Variants in EPHA10 observed in about 807,000 individuals in gnomAD.
EPHA10 encodes EPH receptor A10.
EPHA10 carries 120 observed loss-of-function variants against 109.7 expected under a neutral mutation model. The observed-to-expected ratio is 1.09, with a 90% CI of 0.94 to 1.27. EPHA10 has a LOEUF of 1.27. EPHA10 is among the 50% of genes most tolerant of loss of function. The probability of loss-of-function intolerance (pLI) is 0.00; values close to 1 mark genes in which losing one functional copy is unlikely to be tolerated. For synonymous variants in EPHA10, 640 were observed against 618.9 expected (o/e 1.03, Z -0.51); for missense variants, 1,396 against 1,411.1 (o/e 0.99, Z 0.17).
intron 3 of EPHA10, among the ~76,000 whole-genome samples, chr1:37,755,915 C>T (rs1466433143): frequency 9.2e-5 from 14 of 152,146 alleles, no homozygotes; most frequent in Non-Finnish European, 1.6e-4. Context: ...TCCAAGAAGA[C>T]GCAGTACAAC....
In EPHA10 at chr1:37,731,586, G is replaced by C; in HGVS notation, c.1492-4C>G. ...AGTAAGTCTGCTCACTCTGACCCTG[G>C]AGAGAGATCAAGAAGTGAAGCCCAC... is the stretch of plus-strand genomic sequence containing the variant. On this transcript the variant is annotated splice_polypyrimidine_tract_variant and splice_region_variant and intron_variant, in intron 6 of 16. Transcript: ENST00000373048. The C allele has an allele frequency of 6.2e-7, 1 of 1,601,766 alleles. No homozygotes were observed. Among genetic ancestry groups the C allele is most frequent in the Non-Finnish European group, 8.5e-7 (1 of 1,173,554 alleles).
chr1:37,758,848 A>T (rs1401782192), intron 3 of EPHA10, among the ~76,000 whole-genome samples: 2 of 152,102 alleles, frequency 1.3e-5, no homozygotes, highest in African/African-American at 4.8e-5. Flanking sequence ...GACATCATAA[A>T]TATGTGTCTA....
chr1:37,754,135 A>G lies in EPHA10; in HGVS notation c.1006+80T>C, dbSNP rs1646371250. 4.0e-6 allele frequency: 5 copies of G among 1,239,360 alleles called. No homozygotes were observed. The highest frequency in any genetic ancestry group is 5.1e-6 in the Non-Finnish European group (5 of 983,060). The allele number at this position is 1,239,360 out of a possible 1,614,324, so 76.8% of individuals were successfully genotyped here. ...GCCCCAGTGCGGAGACCCTGCCCTC[A>G]CCACCACCTGGATCAGGCCTTCCTT... On this transcript the variant is annotated intron_variant, in intron 4 of 16. Coordinates refer to ENST00000373048, the MANE Select transcript of EPHA10 (RefSeq NM_001099439.2). This position sits in a 1 kb window ranked among gnomAD's most constrained non-coding sequence, Gnocchi z 4.5.
At position 37,720,029 on chromosome 1, in the gene EPHA10, A is replaced by T. The variant is rs750974576; in HGVS notation, c.2442T>A (p.Ala814=). The change falls in exon 14 of 17, where the codon GCT becomes GCA. Residue 814 remains alanine (A), a synonymous_variant. Coordinates refer to ENST00000373048, the MANE Select transcript of EPHA10 (RefSeq NM_001099439.2). ...AGTGGCCAAACTGAAGTGTCTCGGG[A>T]GCGGCCCATAGCGCTGGGCTCCGGC... ...MSGRSPALWA[A]PETLQFGHFS... 1 of 1,613,588 alleles carries T rather than the reference A, an allele frequency of 6.2e-7. No homozygotes were observed. The highest frequency in any genetic ancestry group is 8.5e-7 in the Non-Finnish European group (1 of 1,179,994).
chr1:37,732,231 G>A (rs1462343412), intron 6 of EPHA10, among the ~76,000 whole-genome samples: 1 of 152,148 alleles, frequency 6.6e-6, no homozygotes, highest in Non-Finnish European at 1.5e-5. Context: ...GCCCTGTGGA[G>A]TCAGCATTTC....
chr1:37,743,318 C>T (rs566679353), intron 5 of EPHA10, among the ~76,000 whole-genome samples: 124 of 152,122 alleles, frequency 8.2e-4, no homozygotes, highest in Middle Eastern at 3.4e-3. Context: ...AAAACACAGC[C>T]TCCACCAACT....
chr1:37,714,755 A>T (rs1239590898), downstream of EPHA10: 1 of 152,314 alleles, frequency 6.6e-6, no homozygotes, highest in Non-Finnish European at 1.5e-5. Context: ...GCGAAGAGAG[A>T]GTGGGAAGAT....
At chr1:37,715,847 G>T, downstream of EPHA10, 1 of 536,236 alleles carries the variant, frequency 1.9e-6, no homozygotes, top group South Asian at 1.5e-5. Context: ...GAGCAGTGTT[G>T]GACTCACCTC....
Position 37,731,413 on chromosome 1 carries a change from TC to T in EPHA10, c.1660del (p.Glu554ArgfsTer17), listed in dbSNP as rs2148329829. On this transcript the variant is annotated frameshift_variant, in exon 7 of 17. Transcript: ENST00000373048. LOFTEE classifies it high-confidence loss of function. ...NPSIEVQTLGEAASGSRDQSP... is the reference protein window; with the variant it reads ...NPSIEVQTLGXAASGSRDQSP... ...GTCCACTCACACACACTACTTACCC[TC>T]CCCCAGGGTCTGTACTTCAATGCTG... 6.2e-7 allele frequency: 1 copy of T among 1,600,446 alleles called. No individual in the cohort carries two copies. Among genetic ancestry groups the T allele is most frequent in the Non-Finnish European group, 8.5e-7 (1 of 1,172,362 alleles).
At chr1:37,752,854 T>TG in intron 5 of EPHA10, 22 bp downstream of exon 5, 5 of 1,237,134 alleles carry the variant, frequency 4.0e-6, no homozygotes, top group Non-Finnish European at 4.0e-6. Flanking sequence ...GGCCTCGGGG[T>TG]GGGGGGCGCG....
At chr1:37,752,596 T>C (rs1646344458) in intron 5 of EPHA10, among the ~76,000 whole-genome samples, 1 of 151,950 alleles carries the variant, frequency 6.6e-6, no homozygotes, top group Non-Finnish European at 1.5e-5. Flanking sequence ...AGCACACAGG[T>C]GCTTCCCGCA....
rs1349717119 is a variant in EPHA10, at chr1:37,723,192, G to A, written c.1835-26C>T. 4 of 1,608,768 alleles carry A rather than the reference G, an allele frequency of 2.5e-6. No homozygotes were observed. The East Asian group carries it at 6.7e-5, about 27-fold the overall frequency. On this transcript the variant is annotated intron_variant, in intron 9 of 16. Transcript: ENST00000373048. Reference sequence around the variant, plus strand: ...CTGGGAGAGAAAGAGATGAGCCTGAGGAATGGGGCCTCCACCACTGGGGCT... The same window carrying A: ...CTGGGAGAGAAAGAGATGAGCCTGAAGAATGGGGCCTCCACCACTGGGGCT...
At chr1:37,734,182 A>T (rs1646032373) in intron 6 of EPHA10, among the ~76,000 whole-genome samples, 1 of 152,234 alleles carries the variant, frequency 6.6e-6, no homozygotes, top group East Asian at 1.9e-4. Flanking sequence ...CACTTCAGTG[A>T]ATATAATTTG....
intron 3 of EPHA10, chr1:37,760,406 AC>A (rs1386741465): frequency 9.5e-7 from 1 of 1,055,708 alleles, no homozygotes; most frequent in Non-Finnish European, 1.1e-6. Context: ...TAGCCTGAGA[AC>A]CCAGCAAAAC....
intron 5 of EPHA10, among the ~76,000 whole-genome samples, chr1:37,749,978 C>G (rs890549172): frequency 4.6e-5 from 7 of 152,168 alleles, no homozygotes; most frequent in African/African-American, 1.7e-4. Flanking sequence ...GGATCACCAT[C>G]ATATATGCCA....
At chr1:37,735,701 G>A (rs1318878891) in intron 5 of EPHA10, among the ~76,000 whole-genome samples, 2 of 152,056 alleles carry the variant, frequency 1.3e-5, no homozygotes, top group Non-Finnish European at 2.9e-5. Flanking sequence ...ATGGTGGTCG[G>A]CTCTAATCCT....
chr1:37,761,717 T>A lies in EPHA10; in HGVS notation c.538A>T (p.Ile180Phe). 6.2e-7 allele frequency: 1 copy of A among 1,613,598 alleles called. No homozygotes were observed. Among genetic ancestry groups the A allele is most frequent in the South Asian group, 1.1e-5 (1 of 91,068 alleles). The change falls in exon 3 of 17, where the codon ATC becomes TTC. Residue 180 changes from isoleucine to phenylalanine, a missense_variant. Ile to Phe is a conservative substitution (Grantham distance 21). Coordinates refer to ENST00000373048, the MANE Select transcript of EPHA10 (RefSeq NM_001099439.2). ...KMKLNTEVRE[I>F]GPLSRRGFHL... ...AAACCCCGCCGGCTGAGCGGTCCGA[T>A]CTCGCGCACCTCTGTGTTCAGCTTC...
rs774059264 is a variant in EPHA10, at chr1:37,721,647, C to A, written c.2146+13G>T. 5.0e-6 allele frequency: 8 copies of A among 1,594,652 alleles called. No homozygotes were observed. The highest frequency in any genetic ancestry group is 1.1e-5 in the South Asian group (1 of 89,132). ...CGTGGGCTGGGCAGCAGGAAGGGAG[C>A]ACCGGGCCCTACCTCGGGTAACAAC... On this transcript the variant is annotated intron_variant, in intron 11 of 16. Transcript: ENST00000373048.
intron 3 of EPHA10, 62 bp downstream of exon 3, chr1:37,761,343 T>A: frequency 6.4e-7 from 1 of 1,572,506 alleles, no homozygotes; most frequent in Non-Finnish European, 8.6e-7. Flanking sequence ...TAGGGCACAC[T>A]CTCTCTCAAT....
Sources: allele counts gnomAD v4.1 joint callset (sites outside exome capture counted in the v4.1 genomes callset), GRCh38; gene constraint gnomAD v4.1.1; non-coding constraint Gnocchi (gnomAD v3.1); transcripts MANE v1.5; gene names NCBI Gene and HGNC (gene_info 2026-07-23, HGNC 2026-07-21).